Variants in TRIM44 observed in about 807,000 individuals in gnomAD.
TRIM44 encodes the protein tripartite motif containing 44.
In TRIM44, 13 loss-of-function variants were observed where a neutral mutation model predicts 37.4. The ratio of observed to expected loss-of-function variants is 0.35; its 90% CI spans 0.23 to 0.55. TRIM44 has a LOEUF of 0.55. Ranked by LOEUF, TRIM44 falls within the 20% of genes least tolerant of loss-of-function variation. The probability of loss-of-function intolerance (pLI) is 0.89; values close to 1 mark genes in which losing one functional copy is unlikely to be tolerated. For synonymous variants in TRIM44, 175 were observed against 157.2 expected, an observed-to-expected ratio of 1.11 and a Z score of -0.85; for missense variants, 426 against 437.2, an observed-to-expected ratio of 0.97 and a Z score of 0.23.
At chr11:35,731,017 A>G (rs1246297617) in intron 3 of TRIM44, among the ~76,000 whole-genome samples, 1 of 152,034 alleles carries the variant, frequency 6.6e-6, no homozygotes, top group East Asian at 1.9e-4. Flanking sequence ...TTTCTATATC[A>G]GCAATTATGC....
intron 2 of TRIM44, among the ~76,000 whole-genome samples, chr11:35,694,669 T>C (rs889867130): frequency 6.6e-6 from 1 of 152,090 alleles, no homozygotes; most frequent in Non-Finnish European, 1.5e-5. Context: ...GATGCCGTTT[T>C]CTGGGGAGAG....
chr11:35,754,513 T>A (rs1174566651), intron 4 of TRIM44, among the ~76,000 whole-genome samples: 1 of 152,210 alleles, frequency 6.6e-6, no homozygotes, highest in Non-Finnish European at 1.5e-5. Flanking sequence ...ATTTTTATTT[T>A]TTTTATTATA....
At chr11:35,680,668 C>T (rs1375785617) in intron 1 of TRIM44, among the ~76,000 whole-genome samples, 1 of 152,162 alleles carries the variant, frequency 6.6e-6, no homozygotes, top group African/African-American at 2.4e-5. Flanking sequence ...AGGTGCTAGT[C>T]TTCCTCAAGA....
intron 4 of TRIM44, among the ~76,000 whole-genome samples, chr11:35,784,209 A>G (rs941991038): frequency 3.3e-5 from 5 of 152,242 alleles, no homozygotes; most frequent in Non-Finnish European, 7.3e-5. Flanking sequence ...AACAATATGT[A>G]GGCCAGAATG....
Position 35,807,104 on chromosome 11 carries a change from G to A in TRIM44, c.*719G>A, listed in dbSNP as rs893431046. On this transcript the variant is annotated 3_prime_UTR_variant, in exon 5 of 5. Coordinates refer to ENST00000299413, the MANE Select transcript of TRIM44 (RefSeq NM_017583.6). ...GACCAAAGAAGTCTGATTAAAAGTT[G>A]AAATCAGTATTTCTGAATTCAAATT... 2 of 152,190 alleles carry A rather than the reference G, an allele frequency of 1.3e-5. No individual in the cohort carries two copies. Among genetic ancestry groups the A allele is most frequent in the Admixed American group, 1.3e-4 (2 of 15,288 alleles). 9.4% of individuals were successfully genotyped at this position (152,190 alleles called of 1,614,324 possible).
intron 2 of TRIM44, among the ~76,000 whole-genome samples, chr11:35,720,259 A>T (rs1234948578): frequency 6.6e-6 from 1 of 152,146 alleles, no homozygotes; most frequent in Non-Finnish European, 1.5e-5. Context: ...TTAGAATTAT[A>T]CCTAAGTATT....
At position 35,694,977 on chromosome 11, in the gene TRIM44, T is replaced by C. The variant is rs139097598; in HGVS notation, c.747+9641T>C. On this transcript the variant is annotated intron_variant, in intron 2 of 4. Transcript: ENST00000299413. ...TAGTCCTCTTGCATGGGGAGAGCTTTTATGCAACCAGAAAACATGCATTGA... is the reference window on the plus strand; with the variant it reads ...TAGTCCTCTTGCATGGGGAGAGCTTCTATGCAACCAGAAAACATGCATTGA... Among the ~76,000 whole-genome samples the C allele has an allele frequency of 9.9e-3, 1,512 of 152,268 alleles. 14 individuals carry two copies. Among genetic ancestry groups the C allele is most frequent in the Non-Finnish European group, 0.014 (930 of 68,016 alleles).
chr11:35,773,750 C>T (rs1220052047), intron 4 of TRIM44, among the ~76,000 whole-genome samples: 2 of 152,142 alleles, frequency 1.3e-5, no homozygotes, highest in Non-Finnish European at 2.9e-5. Context: ...CGATAGTTTG[C>T]TCAGAATGAT....
At chr11:35,690,218 ATTAG>A (rs1290409558) in intron 2 of TRIM44, among the ~76,000 whole-genome samples, 1 of 152,318 alleles carries the variant, frequency 6.6e-6, no homozygotes, top group South Asian at 2.1e-4. Context: ...GCAGCATGAA[ATTAG>A]TTAAATAAAC....
In TRIM44 at chr11:35,806,765, G is replaced by A. The variant is rs1853457168; in HGVS notation, c.*380G>A. 1 of 185,796 alleles carries A rather than the reference G, an allele frequency of 5.4e-6. No homozygotes were observed. Among genetic ancestry groups the A allele is most frequent in the Non-Finnish European group, 1.1e-5 (1 of 89,016 alleles). 11.5% of individuals were successfully genotyped at this position (185,796 alleles called of 1,614,324 possible). ...CTGGAATAATCTTGAAGGGAAGTCA[G>A]AGTTTTCTCCCTGCCTATTAACAAA... is the stretch of plus-strand genomic sequence containing the variant. On this transcript the variant is annotated 3_prime_UTR_variant, in exon 5 of 5. Coordinates refer to ENST00000299413, the MANE Select transcript of TRIM44 (RefSeq NM_017583.6).
chr11:35,780,159 G>T (rs1317075712), intron 4 of TRIM44, among the ~76,000 whole-genome samples: 2 of 151,958 alleles, frequency 1.3e-5, no homozygotes, highest in Non-Finnish European at 2.9e-5. Context: ...GATTATTTTT[G>T]ATGGCTTTGA....
intron 4 of TRIM44, among the ~76,000 whole-genome samples, chr11:35,739,147 A>G (rs1168505045): frequency 2.6e-5 from 4 of 152,166 alleles, no homozygotes; most frequent in Non-Finnish European, 4.4e-5. Context: ...TTATTCTGCT[A>G]ATTTACCACA....
At chr11:35,739,740 A>G (rs1852369268) in intron 4 of TRIM44, among the ~76,000 whole-genome samples, 1 of 152,154 alleles carries the variant, frequency 6.6e-6, no homozygotes, top group South Asian at 2.1e-4. Context: ...CCTCAGATCC[A>G]TGATACACAG....
At chr11:35,699,425 A>G (rs1476645859) in intron 2 of TRIM44, among the ~76,000 whole-genome samples, 1 of 152,176 alleles carries the variant, frequency 6.6e-6, no homozygotes, top group Non-Finnish European at 1.5e-5. Context: ...AAAACTCTCA[A>G]TAAATTAGGT....
Position 35,817,546 on chromosome 11 carries a change from G to A in TRIM44, c.*11161G>A, listed in dbSNP as rs1284995550. The A allele has an allele frequency of 6.6e-6, 1 of 152,220 alleles. No individual in the cohort carries two copies. Among genetic ancestry groups the A allele is most frequent in the African/African-American group, 2.4e-5 (1 of 41,428 alleles). The allele number at this position is 152,220 out of a possible 1,614,324, so 9.4% of individuals were successfully genotyped here. On this transcript the variant is annotated 3_prime_UTR_variant, in exon 5 of 5. Coordinates refer to ENST00000299413, the MANE Select transcript of TRIM44 (RefSeq NM_017583.6). ...TCTCTCCGTGTGTGTTAGCATTTGT[G>A]TGTGTCTGTGGGTGTGTATGCATGT... is the stretch of plus-strand genomic sequence containing the variant.
At chr11:35,680,508 T>C (rs986223746) in intron 1 of TRIM44, among the ~76,000 whole-genome samples, 1 of 152,178 alleles carries the variant, frequency 6.6e-6, no homozygotes, top group African/African-American at 2.4e-5. Context: ...ACCTACCTCA[T>C]TCTTTTTATT....
In TRIM44 at chr11:35,667,376, T is replaced by C. The variant is rs1011264966; in HGVS notation, c.669+3596T>C. Among the ~76,000 whole-genome samples the C allele has an allele frequency of 2.0e-5, 3 of 152,214 alleles. 1 individual carries two copies. Among genetic ancestry groups the C allele is most frequent in the African/African-American group, 7.2e-5 (3 of 41,456 alleles). On this transcript the variant is annotated intron_variant, in intron 1 of 4. Coordinates refer to ENST00000299413, the MANE Select transcript of TRIM44 (RefSeq NM_017583.6). ...CTTCTACCAGCTGTTGGTAACTACT[T>C]GTTTTTTCTTAGAAACAGGATCTTA...
At chr11:35,703,990 G>A (rs1358098156) in intron 2 of TRIM44, among the ~76,000 whole-genome samples, 6 of 151,972 alleles carry the variant, frequency 3.9e-5, no homozygotes, top group Non-Finnish European at 7.4e-5. Flanking sequence ...CAAACCAAAG[G>A]CAAAGAAGTT....
At position 35,742,780 on chromosome 11, in the gene TRIM44, A is replaced by C. The variant is rs929142130; in HGVS notation, c.1007+7335A>C. On this transcript the variant is annotated intron_variant, in intron 4 of 4. Transcript: ENST00000299413. ...ATGTTATGTATTATATATTACATAT[A>C]AATATACAATTATATTAATATATTA... Among the ~76,000 whole-genome samples the C allele has an allele frequency of 8.5e-5, 6 of 70,812 alleles. No individual in the cohort carries two copies. The Admixed American group carries it at 1.5e-3, about 17-fold the overall frequency. The allele number at this position is 70,812 out of a possible 152,430, so 46.5% of individuals were successfully genotyped here. A position where few individuals can be genotyped will look rare whatever the true frequency, so the allele number is the denominator to read the frequency against.
Sources: allele counts gnomAD v4.1 joint callset (sites outside exome capture counted in the v4.1 genomes callset), GRCh38; gene constraint gnomAD v4.1.1; transcripts MANE v1.5; gene names NCBI Gene and HGNC (gene_info 2026-07-23, HGNC 2026-07-21).